PDE3A: variants seen among roughly 807,000 people sequenced by gnomAD.
PDE3A encodes the protein phosphodiesterase 3A.
Under a neutral mutation model 98.3 loss-of-function variants are expected in PDE3A, and 43 were observed. The ratio of observed to expected loss-of-function variants is 0.44; its 90% CI spans 0.34 to 0.56. PDE3A has a LOEUF of 0.56. Ranked by LOEUF, PDE3A falls within the 20% of genes least tolerant of loss-of-function variation. The pLI is 0.01. For synonymous variants in PDE3A, 663 were observed against 567.9 expected (o/e 1.17, Z -2.38); for missense variants, 1,427 against 1,440.7 (o/e 0.99, Z 0.15).
At chr12:20,653,556 G>A (rs1388407115) in intron 14 of PDE3A, among the ~76,000 whole-genome samples, 1 of 152,056 alleles carries the variant, frequency 6.6e-6, no homozygotes, top group Non-Finnish European at 1.5e-5. Context: ...TAGAGACGGA[G>A]TTTCACCATG....
chr12:20,395,586 G>A (rs1203387627), intron 1 of PDE3A, among the ~76,000 whole-genome samples: 6 of 143,404 alleles, frequency 4.2e-5, no homozygotes, highest in Non-Finnish European at 6.0e-5. Flanking sequence ...TATTATATAT[G>A]TATACTATGT....
In PDE3A at chr12:20,686,163, A is replaced by G. The variant is rs1945955788; in HGVS notation, c.*5892A>G. Among the ~76,000 whole-genome samples, 1 of 152,148 alleles carries G rather than the reference A, an allele frequency of 6.6e-6. No individual in the cohort carries two copies. Among genetic ancestry groups the G allele is most frequent in the South Asian group, 2.1e-4 (1 of 4,832 alleles). On this transcript the variant is annotated 3_prime_UTR_variant, in exon 16 of 16. Transcript: ENST00000359062. ...TTAATTCTTTTTCTAATATTCTACA[A>G]GCCTCATGGGGAAAATGTTTTATGA... is the stretch of plus-strand genomic sequence containing the variant.
chr12:20,527,085 A>G (rs1565578129), intron 1 of PDE3A, among the ~76,000 whole-genome samples: 2 of 151,664 alleles, frequency 1.3e-5, no homozygotes, highest in South Asian at 2.1e-4. Flanking sequence ...TGCCCGGCTG[A>G]TTTTTGTATT....
chr12:20,554,044 A>G (rs1256577127), intron 1 of PDE3A, among the ~76,000 whole-genome samples: 2 of 151,012 alleles, frequency 1.3e-5, no homozygotes, highest in African/African-American at 4.9e-5. Context: ...TTTTGTAGTT[A>G]CTGTATATGT....
chr12:20,550,580 T>A (rs1489817904), intron 1 of PDE3A, among the ~76,000 whole-genome samples: 3 of 152,058 alleles, frequency 2.0e-5, no homozygotes, highest in Non-Finnish European at 4.4e-5. Flanking sequence ...ATTAAAAAAT[T>A]AAAGCATTAA....
At chr12:20,495,723 T>C (rs1945908268) in intron 1 of PDE3A, among the ~76,000 whole-genome samples, 1 of 152,190 alleles carries the variant, frequency 6.6e-6, no homozygotes, top group Admixed American at 6.5e-5. Context: ...AGAATATTCC[T>C]AGAAGTGGAA....
At chr12:20,403,328 C>T (rs904911635) in intron 1 of PDE3A, among the ~76,000 whole-genome samples, 10 of 152,044 alleles carry the variant, frequency 6.6e-5, no homozygotes, top group Admixed American at 5.2e-4. Flanking sequence ...GTTAGCTGTC[C>T]GGTGTGGTGT....
rs140427952 is a variant in PDE3A at position 20,510,915 on chromosome 12, T to C, written c.961-45745T>C. 2.7e-3 allele frequency among the ~76,000 whole-genome samples: 413 copies of C among 152,200 alleles called. 3 individuals carry two copies. The highest frequency in any genetic ancestry group is 0.023 in the Admixed American group (349 of 15,266). Reference sequence around the variant, plus strand: ...AAAACACTTATTGAATGTTTCCATGTGCCATGTTCTGTGTTAAGACTAGAA... The same window carrying C: ...AAAACACTTATTGAATGTTTCCATGCGCCATGTTCTGTGTTAAGACTAGAA... On this transcript the variant is annotated intron_variant, in intron 1 of 15. Transcript: ENST00000359062.
chr12:20,488,364 A>G (rs1945768131), intron 1 of PDE3A, among the ~76,000 whole-genome samples: 1 of 152,176 alleles, frequency 6.6e-6, no homozygotes, highest in Non-Finnish European at 1.5e-5. Context: ...GGAATTCTTG[A>G]TATTTATTTT....
chr12:20,386,074 T>TATATATAA (rs1157269225), intron 1 of PDE3A, among the ~76,000 whole-genome samples: 2 of 41,056 alleles, frequency 4.9e-5, no homozygotes, highest in East Asian at 2.0e-3. Flanking sequence ...ATATATAAAA[T>TATATATAA]ATATATAAAT....
At chr12:20,408,747 G>C (rs184309214) in intron 1 of PDE3A, among the ~76,000 whole-genome samples, 1 of 151,982 alleles carries the variant, frequency 6.6e-6, no homozygotes, top group African/African-American at 2.4e-5. Context: ...ATTTATTGCC[G>C]TTCTCTATCT....
In PDE3A at chr12:20,552,193, G is replaced by T. The variant is rs192421838; in HGVS notation, c.961-4467G>T. ...TGCTCCCATCAATGACCAAGAAGGG[G>T]CCGAGGCCAAGGACTGGCGGTCGGG... On this transcript the variant is annotated intron_variant, in intron 1 of 15. Coordinates refer to ENST00000359062, the MANE Select transcript of PDE3A (RefSeq NM_000921.5). This position sits in a 1 kb window ranked among gnomAD's most constrained non-coding sequence, Gnocchi z 5.1. The T allele has an allele frequency of 2.5e-6, 4 of 1,613,790 alleles. No individual in the cohort carries two copies. Among genetic ancestry groups the T allele is most frequent in the Non-Finnish European group, 3.4e-6 (4 of 1,179,908 alleles).
intron 1 of PDE3A, among the ~76,000 whole-genome samples, chr12:20,409,371 G>T (rs1405205670): frequency 6.6e-6 from 1 of 151,914 alleles, no homozygotes; most frequent in African/African-American, 2.4e-5. Context: ...GTATTTCTCA[G>T]ATTTGAATAT....
chr12:20,471,444 C>T (rs1011985718), intron 1 of PDE3A, among the ~76,000 whole-genome samples: 5 of 152,114 alleles, frequency 3.3e-5, no homozygotes, highest in Non-Finnish European at 7.4e-5. Context: ...AACCACTGGC[C>T]TGAATTTATC....
At chr12:20,402,651 GTAT>G (rs1271559285) in intron 1 of PDE3A, among the ~76,000 whole-genome samples, 4 of 151,962 alleles carry the variant, frequency 2.6e-5, no homozygotes, top group Non-Finnish European at 5.9e-5. Flanking sequence ...AAATTTATTG[GTAT>G]TATAAACACT....
chr12:20,453,034 T>G (rs1313790912), intron 1 of PDE3A, among the ~76,000 whole-genome samples: 1 of 152,220 alleles, frequency 6.6e-6, no homozygotes. Context: ...AAGAATGCCA[T>G]GTACTCCTAT....
In PDE3A at chr12:20,521,681, C is replaced by T. The variant is rs141724908; in HGVS notation, c.961-34979C>T. 2.4e-4 allele frequency among the ~76,000 whole-genome samples: 37 copies of T among 152,228 alleles called. No individual in the cohort carries two copies. The East Asian group carries it at 3.3e-3, about 14-fold the overall frequency. On this transcript the variant is annotated intron_variant, in intron 1 of 15. Coordinates refer to ENST00000359062, the MANE Select transcript of PDE3A (RefSeq NM_000921.5). ...CAAGATTATTAATTCATTTGTTCAA[C>T]GAGTGTTATTGAGCGTCTGTTGTGC...
chr12:20,377,426 T>TTG (rs1023859960), intron 1 of PDE3A, among the ~76,000 whole-genome samples: 4 of 151,824 alleles, frequency 2.6e-5, no homozygotes, highest in Admixed American at 6.6e-5. Context: ...TCTAAATATC[T>TTG]TGTGTGTGTT....
intron 1 of PDE3A, among the ~76,000 whole-genome samples, chr12:20,511,631 A>T (rs2121117929): frequency 6.6e-6 from 1 of 152,270 alleles, no homozygotes; most frequent in East Asian, 1.9e-4. Flanking sequence ...GCTGTCTCTT[A>T]TGTAATAAAA....
Sources: gnomAD v4.1 joint callset for allele counts (sites outside exome capture counted in the v4.1 genomes callset) on GRCh38, gnomAD v4.1.1 for gene constraint, Gnocchi (gnomAD v3.1) non-coding constraint, MANE v1.5 for transcripts, NCBI Gene and HGNC (gene_info 2026-07-23, HGNC 2026-07-21) for gene names.